The following RPSA2 variants were observed in gnomAD, a reference collection of about 807,000 sequenced individuals.
The protein encoded by RPSA2 is ribosomal protein SA 2.
chr19:23,865,343 G>T, the RPSA2 span, among the ~76,000 whole-genome samples: 1 of 152,160 alleles, frequency 6.6e-6, no homozygotes, highest in Non-Finnish European at 1.5e-5. Flanking sequence ...TTCTGCAGGA[G>T]GTTATTACAC....
chr19:23,861,332 G>T, the RPSA2 span, among the ~76,000 whole-genome samples: 1 of 152,118 alleles, frequency 6.6e-6, no homozygotes, highest in East Asian at 1.9e-4. Flanking sequence ...CTTGAACAGG[G>T]TTCAGCACTT....
At chr19:23,840,892 G>A in the RPSA2 span, among the ~76,000 whole-genome samples, 2 of 148,440 alleles carry the variant, frequency 1.3e-5, no homozygotes, top group African/African-American at 5.0e-5. Context: ...AACACAGGAG[G>A]CAGAGGTTGC....
chr19:23,764,047 T>C, the RPSA2 span, among the ~76,000 whole-genome samples: 1 of 152,314 alleles, frequency 6.6e-6, no homozygotes, highest in East Asian at 1.9e-4. Context: ...TCAATTATGA[T>C]TGAATTTTGT....
At chr19:23,865,275 C>T in the RPSA2 span, among the ~76,000 whole-genome samples, 5 of 152,126 alleles carry the variant, frequency 3.3e-5, no homozygotes, top group Non-Finnish European at 7.3e-5. Flanking sequence ...TGTGCAGTTG[C>T]CTAAAGTTGT....
the RPSA2 span, chr19:23,763,174 G>A: frequency 2.3e-4 from 35 of 154,594 alleles, no homozygotes; most frequent in Non-Finnish European, 4.0e-4. Flanking sequence ...AGGGAGACCA[G>A]GCTGTGAAAC....
the RPSA2 span, among the ~76,000 whole-genome samples, chr19:23,790,090 C>T: frequency 6.6e-6 from 1 of 152,124 alleles, no homozygotes; most frequent in East Asian, 1.9e-4. Flanking sequence ...ACCTCTACCT[C>T]CCGGGTTGAA....
At chr19:23,846,419 C>T in the RPSA2 span, among the ~76,000 whole-genome samples, 1 of 151,228 alleles carries the variant, frequency 6.6e-6, no homozygotes, top group African/African-American at 2.4e-5. Context: ...AAAATTATGT[C>T]CTATTGTGAT....
chr19:23,796,937 C>T, the RPSA2 span, among the ~76,000 whole-genome samples: 2 of 151,344 alleles, frequency 1.3e-5, no homozygotes, highest in South Asian at 4.2e-4. Flanking sequence ...CTGCTGCTAG[C>T]TTAGGGATTG....
At chr19:23,830,600 GT>G in the RPSA2 span, among the ~76,000 whole-genome samples, 2 of 150,748 alleles carry the variant, frequency 1.3e-5, no homozygotes, top group Admixed American at 6.6e-5. Flanking sequence ...GGATCTATTA[GT>G]TTTTTTTAAA....
At chr19:23,834,642 C>T in the RPSA2 span, among the ~76,000 whole-genome samples, 76 of 152,012 alleles carry the variant, frequency 5.0e-4, 1 homozygote, top group East Asian at 4.2e-3. Flanking sequence ...GAATACTATA[C>T]AGCATATTTT....
the RPSA2 span, among the ~76,000 whole-genome samples, chr19:23,830,747 A>G: frequency 6.6e-6 from 1 of 152,244 alleles, no homozygotes; most frequent in Non-Finnish European, 1.5e-5. Flanking sequence ...ACCAATTATT[A>G]AAAGTAATTT....
the RPSA2 span, among the ~76,000 whole-genome samples, chr19:23,806,001 GTCTATCTA>G: frequency 0.011 from 1,400 of 132,542 alleles, 29 homozygotes; most frequent in African/African-American, 0.038. Flanking sequence ...CTATCTGTCT[GTCTATCTA>G]TCTATCTATC....
the RPSA2 span, among the ~76,000 whole-genome samples, chr19:23,828,936 G>GACACACAC: frequency 0.028 from 4,166 of 148,336 alleles, 81 homozygotes; most frequent in South Asian, 0.045. Flanking sequence ...CCTAATGTGA[G>GACACACAC]ACACACACAC....
At chr19:23,848,478 G>T in the RPSA2 span, among the ~76,000 whole-genome samples, 1 of 118,896 alleles carries the variant, frequency 8.4e-6, no homozygotes, top group Non-Finnish European at 1.7e-5. Flanking sequence ...AGTCCAGAAA[G>T]ACTTTCTGCC....
the RPSA2 span, among the ~76,000 whole-genome samples, chr19:23,845,348 G>T: frequency 0.057 from 8,608 of 149,852 alleles, 276 homozygotes; most frequent in Middle Eastern, 0.066. Flanking sequence ...ATGATGTCAG[G>T]TCCTTAACAT....
At chr19:23,830,980 G>T in the RPSA2 span, among the ~76,000 whole-genome samples, 1 of 152,082 alleles carries the variant, frequency 6.6e-6, no homozygotes, top group Non-Finnish European at 1.5e-5. Context: ...TAGGATATGT[G>T]CTGTCTGAAA....
At chr19:23,759,764 G>A in the RPSA2 span, among the ~76,000 whole-genome samples, 13 of 151,518 alleles carry the variant, frequency 8.6e-5, no homozygotes, top group East Asian at 1.8e-3. Flanking sequence ...CCTCGTGATT[G>A]GCCCGCCTCA....
the RPSA2 span, among the ~76,000 whole-genome samples, chr19:23,829,689 A>G: frequency 6.6e-6 from 1 of 152,246 alleles, no homozygotes; most frequent in East Asian, 1.9e-4. Context: ...TTAATCTGGT[A>G]GAAAAACAGG....
the RPSA2 span, among the ~76,000 whole-genome samples, chr19:23,859,344 C>T: frequency 6.6e-6 from 1 of 152,010 alleles, no homozygotes; most frequent in East Asian, 1.9e-4. Flanking sequence ...AAAATATTTC[C>T]CAGGCTGGGT....
Sources: gnomAD v4.1 joint callset for allele counts (sites outside exome capture counted in the v4.1 genomes callset) on GRCh38, gnomAD v4.1.1 for gene constraint, MANE v1.5 for transcripts, NCBI Gene and HGNC (gene_info 2026-07-23, HGNC 2026-07-21) for gene names.